NDUFA5: variants seen among roughly 807,000 people sequenced by gnomAD.
NDUFA5 encodes NADH:ubiquinone oxidoreductase subunit A5, also known as NADH dehydrogenase [ubiquinone] 1 alpha subcomplex subunit 5.
In NDUFA5, 11 loss-of-function variants were observed where a neutral mutation model predicts 19.8. The ratio of observed to expected loss-of-function variants is 0.56; its 90% CI spans 0.35 to 0.92. The LOEUF is 0.92. Among genes scored for constraint, NDUFA5 ranks in the 40% least tolerant of loss-of-function variants. NDUFA5 has a pLI of 0.01. For missense variants in NDUFA5, 109 were observed against 134.2 expected, an observed-to-expected ratio of 0.81 and a Z score of 0.93; for synonymous variants, 47 against 46.8, an observed-to-expected ratio of 1.00 and a Z score of -0.01.
chr7:123,552,026 A>T (rs565010103), intron 2 of NDUFA5, among the ~76,000 whole-genome samples: 1 of 152,284 alleles, frequency 6.6e-6, no homozygotes, highest in East Asian at 1.9e-4. Flanking sequence ...TTGGACACTT[A>T]TAACAGTGAA....
the NDUFA5 span, among the ~76,000 whole-genome samples, chr7:123,564,104 C>T: frequency 6.6e-6 from 1 of 152,128 alleles, no homozygotes; most frequent in African/African-American, 2.4e-5. Flanking sequence ...AAAAAATAGG[C>T]GATGCCTAGA....
the NDUFA5 span, among the ~76,000 whole-genome samples, chr7:123,596,800 CA>C: frequency 6.6e-6 from 1 of 151,980 alleles, no homozygotes; most frequent in African/African-American, 2.4e-5. Context: ...GAAATTGAAA[CA>C]AAACACAAAT....
chr7:123,585,054 A>G, the NDUFA5 span: 1 of 151,812 alleles, frequency 6.6e-6, no homozygotes, highest in East Asian at 1.9e-4. Flanking sequence ...AATTACGAGG[A>G]AAGATCTTCC....
chr7:123,582,059 T>C, the NDUFA5 span, among the ~76,000 whole-genome samples: 2 of 152,022 alleles, frequency 1.3e-5, no homozygotes, highest in Admixed American at 1.3e-4. Context: ...AAAATCTCCA[T>C]CTATATTGTA....
At chr7:123,553,319 T>G (rs1180017751) in intron 2 of NDUFA5, among the ~76,000 whole-genome samples, 1 of 152,242 alleles carries the variant, frequency 6.6e-6, no homozygotes, top group East Asian at 1.9e-4. Context: ...AAGGCTTGTC[T>G]TACATGGCAG....
the NDUFA5 span, among the ~76,000 whole-genome samples, chr7:123,588,310 A>G: frequency 6.6e-6 from 1 of 151,550 alleles, no homozygotes; most frequent in Non-Finnish European, 1.5e-5. Context: ...ACAGTTTATT[A>G]GTGCTTAATT....
At position 123,540,952 on chromosome 7, in the gene NDUFA5, A is replaced by T. The variant is rs1416095460; in HGVS notation, c.*1167T>A. 1 of 151,750 alleles carries T rather than the reference A, an allele frequency of 6.6e-6. No individual in the cohort carries two copies. The highest frequency in any genetic ancestry group is 2.4e-5 in the African/African-American group (1 of 41,148). 9.4% of individuals were successfully genotyped at this position (151,750 alleles called of 1,614,324 possible). A position where few individuals can be genotyped will look rare whatever the true frequency, so the allele number is the denominator to read the frequency against. ...CACACACACGTATACACAAAACCCC[A>T]CAAGAGTATAGTACTATCTATGAAG... On this transcript the variant is annotated 3_prime_UTR_variant, in exon 5 of 5. Transcript: ENST00000355749.
the NDUFA5 span, among the ~76,000 whole-genome samples, chr7:123,595,462 C>G: frequency 1.3e-5 from 2 of 152,196 alleles, no homozygotes; most frequent in Non-Finnish European, 1.5e-5. Flanking sequence ...GATGTGTTCC[C>G]TCTCAGACTA....
the NDUFA5 span, among the ~76,000 whole-genome samples, chr7:123,573,288 CTTT>C: frequency 8.5e-6 from 1 of 117,906 alleles, no homozygotes; most frequent in Non-Finnish European, 1.8e-5. Flanking sequence ...TCTGGATTTG[CTTT>C]TTTTTTTTTT....
At chr7:123,600,588 TTAA>T in the NDUFA5 span, among the ~76,000 whole-genome samples, 1 of 152,338 alleles carries the variant, frequency 6.6e-6, no homozygotes, top group East Asian at 1.9e-4. Context: ...CCAAATTAGA[TTAA>T]TAATGATAAA....
chr7:123,601,195 T>G, the NDUFA5 span, among the ~76,000 whole-genome samples: 1 of 152,164 alleles, frequency 6.6e-6, no homozygotes, highest in Admixed American at 6.6e-5. Flanking sequence ...TAAACTTAAT[T>G]GGTTTTTTAA....
At chr7:123,589,593 A>AT in the NDUFA5 span, among the ~76,000 whole-genome samples, 1 of 151,906 alleles carries the variant, frequency 6.6e-6, no homozygotes, top group African/African-American at 2.4e-5. Flanking sequence ...TCCTTGTGAT[A>AT]TTTTGCTGAG....
At chr7:123,579,548 G>T in the NDUFA5 span, among the ~76,000 whole-genome samples, 4 of 151,922 alleles carry the variant, frequency 2.6e-5, no homozygotes, top group Non-Finnish European at 4.4e-5. Flanking sequence ...TCTATTATCT[G>T]CCCCACTGTA....
chr7:123,551,239 G>A (rs1194184799), intron 2 of NDUFA5: 3 of 129,596 alleles, frequency 2.3e-5, no homozygotes, highest in East Asian at 2.2e-4. Flanking sequence ...ACGGAGTTTC[G>A]CTCTTATAGC....
intron 2 of NDUFA5, chr7:123,551,518 T>G: frequency 2.0e-6 from 2 of 979,210 alleles, no homozygotes; most frequent in Non-Finnish European, 2.4e-6. Context: ...ATCAGTATTT[T>G]TCAAAGTGAG....
the NDUFA5 span, among the ~76,000 whole-genome samples, chr7:123,582,216 C>A: frequency 1.3e-5 from 2 of 151,910 alleles, no homozygotes; most frequent in East Asian, 3.9e-4. Context: ...CAGGTTCAAC[C>A]CACAGTATGT....
At chr7:123,574,935 T>A in the NDUFA5 span, among the ~76,000 whole-genome samples, 1 of 143,178 alleles carries the variant, frequency 7.0e-6, no homozygotes, top group East Asian at 2.1e-4. Flanking sequence ...TGGGCTGTAT[T>A]TAAGACACAT....
chr7:123,542,490 T>C (rs2117451117), intron 4 of NDUFA5, among the ~76,000 whole-genome samples: 1 of 152,332 alleles, frequency 6.6e-6, no homozygotes, highest in Middle Eastern at 3.4e-3. Flanking sequence ...TTTATCTTAA[T>C]AATATTTCAC....
the NDUFA5 span, among the ~76,000 whole-genome samples, chr7:123,582,111 G>T: frequency 6.6e-6 from 1 of 151,952 alleles, no homozygotes; most frequent in African/African-American, 2.4e-5. Flanking sequence ...AGGAGAAATT[G>T]CTCAAGCTGA....
Sources: allele counts gnomAD v4.1 joint callset (sites outside exome capture counted in the v4.1 genomes callset), GRCh38; gene constraint gnomAD v4.1.1; transcripts MANE v1.5; gene names NCBI Gene and HGNC (gene_info 2026-07-23, HGNC 2026-07-21).